The following SUN5 variants were observed in gnomAD, a reference collection of about 807,000 sequenced individuals.
SUN5 encodes Sad1 and UNC84 domain containing 5, also known as SUN domain-containing protein 5.
SUN5 carries 44 observed loss-of-function variants against 53.7 expected under a neutral mutation model. The ratio of observed to expected loss-of-function variants is 0.82; its 90% confidence interval spans 0.64 to 1.05. The LOEUF (loss-of-function observed/expected upper bound fraction) is 1.05, where lower values mean the gene tolerates loss of function less well. Among genes scored for constraint, SUN5 ranks in the 50% least tolerant of loss-of-function variants. The pLI, the probability that SUN5 is intolerant of heterozygous loss-of-function variation, is 0.00. For missense variants in SUN5, 433 were observed against 483.8 expected (o/e 0.90, Z 0.98); for synonymous variants, 166 against 179.8 (o/e 0.92, Z 0.62).
chr20:32,993,486 A>T (rs1264420260), intron 8 of SUN5, among the ~76,000 whole-genome samples: 3 of 152,246 alleles, frequency 2.0e-5, no homozygotes, highest in African/African-American at 7.2e-5. Context: ...AAAGAGCTAA[A>T]GTAACAAAAC....
chr20:32,998,502 A>G (rs768266418), intron 5 of SUN5, among the ~76,000 whole-genome samples: 6 of 152,136 alleles, frequency 3.9e-5, no homozygotes, highest in Non-Finnish European at 8.8e-5. Flanking sequence ...ACAGCCTTTA[A>G]AATTTATTTA....
rs148896965 is a variant in SUN5 at position 32,985,861 on chromosome 20, G to T, written c.772C>A (p.Arg258Ser). 6.2e-7 allele frequency: 1 copy of T among 1,613,926 alleles called. No individual in the cohort carries two copies. The highest frequency in any genetic ancestry group is 1.1e-5 in the South Asian group (1 of 91,072). The change falls in exon 11 of 13, where the codon CGC (arginine) becomes AGC (serine). Residue 258 changes from arginine to serine, a missense_variant. Transcript: ENST00000356173. ...PGNCWAFEGD[R>S]GQVTIQLAQK... is the part of the protein sequence containing the mutation. ...GCCAATTGGATGGTCACCTGGCCGC[G>T]GTCACCCTCAAAGGCCCAGCAATTG...
chr20:33,001,369 C>T, intron 3 of SUN5, 91 bp from the exon 4 acceptor site: 4 of 1,453,072 alleles, frequency 2.8e-6, no homozygotes, highest in South Asian at 2.5e-5. Flanking sequence ...CTGGGGGAGG[C>T]CCTGGAGCTG....
At chr20:33,001,974 A>G (rs1327077769) in intron 3 of SUN5, among the ~76,000 whole-genome samples, 2 of 152,168 alleles carry the variant, frequency 1.3e-5, no homozygotes, top group East Asian at 3.9e-4. Context: ...ATCGTGACTC[A>G]GGAGCACAAA....
In SUN5 at chr20:32,985,797, A is replaced by C. The variant is rs200006020; in HGVS notation, c.836T>G (p.Ile279Ser). 6.2e-7 allele frequency: 1 copy of C among 1,614,038 alleles called. No homozygotes were observed. Among genetic ancestry groups the C allele is most frequent in the Non-Finnish European group, 8.5e-7 (1 of 1,179,968 alleles). Reference protein sequence around the residue: ...VYLSNLTLQHIPKTISLSGSL... With the variant: ...VYLSNLTLQHSPKTISLSGSL... ...GCCTGACAATGAGATGGTCTTGGGGATGTGCTGCAGCGTGAGGTTGGACAG... is the reference window on the plus strand; with the variant it reads ...GCCTGACAATGAGATGGTCTTGGGGCTGTGCTGCAGCGTGAGGTTGGACAG... Residue 279 changes from isoleucine (I) to serine (S), a missense_variant, in exon 11 of 13, where the codon ATC becomes AGC. Coordinates refer to ENST00000356173, the MANE Select transcript of SUN5 (RefSeq NM_080675.4).
rs370794074 is a variant in SUN5, at chr20:32,985,801, G to A, written c.832C>T (p.His278Tyr). The change falls in exon 11 of 13, where the codon CAC (histidine) becomes TAC (tyrosine). Residue 278 changes from histidine to tyrosine, a missense_variant. By Grantham distance (83) the His-to-Tyr change is moderately conservative. Coordinates refer to ENST00000356173, the MANE Select transcript of SUN5 (RefSeq NM_080675.4). ...KVYLSNLTLQ[H>Y]IPKTISLSGS... ...GACAATGAGATGGTCTTGGGGATGT[G>A]CTGCAGCGTGAGGTTGGACAGGTAA... is the stretch of plus-strand genomic sequence containing the variant. The A allele has an allele frequency of 8.1e-6, 13 of 1,614,174 alleles. No homozygotes were observed. Among genetic ancestry groups the A allele is most frequent in the Non-Finnish European group, 1.1e-5 (13 of 1,179,998 alleles).
intron 5 of SUN5, chr20:32,999,836 G>T: frequency 2.2e-6 from 3 of 1,375,836 alleles, no homozygotes; most frequent in Non-Finnish European, 3.0e-6. Flanking sequence ...CCCAGAAAGC[G>T]GAAGTAACAA....
At chr20:33,002,408 A>G (rs1308544870) in intron 3 of SUN5, among the ~76,000 whole-genome samples, 179 bp downstream of exon 3, 2 of 152,120 alleles carry the variant, frequency 1.3e-5, no homozygotes, top group East Asian at 3.9e-4. Flanking sequence ...TCCAGCCACC[A>G]AAGACTTTGG....
intron 10 of SUN5, among the ~76,000 whole-genome samples, chr20:32,987,377 A>G (rs940977208): frequency 2.0e-5 from 3 of 152,046 alleles, no homozygotes; most frequent in Non-Finnish European, 4.4e-5. Context: ...CCCAATGCCA[A>G]AGCAAGCTGT....
At chr20:32,991,294 C>T (rs898934296) in intron 8 of SUN5, among the ~76,000 whole-genome samples, 2 of 152,208 alleles carry the variant, frequency 1.3e-5, no homozygotes, top group Non-Finnish European at 2.9e-5. Flanking sequence ...TTGATGAGTG[C>T]ATGCCTTTGG....
chr20:32,989,505 A>T, intron 9 of SUN5, 115 bp downstream of exon 9: 6 of 793,864 alleles, frequency 7.6e-6, no homozygotes, highest in Non-Finnish European at 1.0e-5. Flanking sequence ...AGCTTGGAAC[A>T]GAGGATGAAC....
intron 3 of SUN5, among the ~76,000 whole-genome samples, chr20:33,002,172 G>GA (rs11482416): frequency 0.62 from 93,943 of 151,904 alleles, 30,373 homozygotes; most frequent in African/African-American, 0.76. Flanking sequence ...GTCTGGCTTG[G>GA]AGGTGGATGA....
intron 10 of SUN5, among the ~76,000 whole-genome samples, chr20:32,987,409 TAGCC>T (rs1330574670): frequency 6.6e-6 from 1 of 152,010 alleles, no homozygotes; most frequent in East Asian, 1.9e-4. Context: ...GCTCCTACCC[TAGCC>T]CCAGCAGCCC....
At chr20:33,004,114 T>G in intron 1 of SUN5, 150 bp downstream of exon 1, 1 of 782,706 alleles carries the variant, frequency 1.3e-6, no homozygotes, top group South Asian at 3.5e-5. Context: ...CTGGGAGACT[T>G]TGGGAATACC....
At chr20:32,999,283 C>G (rs6088061) in intron 5 of SUN5, among the ~76,000 whole-genome samples, 1 of 152,142 alleles carries the variant, frequency 6.6e-6, no homozygotes, top group African/African-American at 2.4e-5. Context: ...AAACCCATTT[C>G]TAATAGCGTC....
chr20:32,992,601 G>T (rs1989738208), intron 8 of SUN5, among the ~76,000 whole-genome samples: 2 of 152,138 alleles, frequency 1.3e-5, no homozygotes, highest in South Asian at 4.1e-4. Context: ...TAGATACACT[G>T]GACTTAATTA....
chr20:32,995,253 C>T (rs143721157), intron 8 of SUN5, among the ~76,000 whole-genome samples: 95 of 152,262 alleles, frequency 6.2e-4, no homozygotes, highest in Middle Eastern at 3.4e-3. Flanking sequence ...TTTCTACAAG[C>T]TCCCAGGGAT....
At chr20:32,993,574 T>C (rs2146330786) in intron 8 of SUN5, among the ~76,000 whole-genome samples, 1 of 152,362 alleles carries the variant, frequency 6.6e-6, no homozygotes, top group East Asian at 1.9e-4. Context: ...TAGGAGGCTA[T>C]AGGCCACTTC....
Position 32,989,707 on chromosome 20 carries a change from G to T in SUN5, c.535-9C>A, listed in dbSNP as rs1989658941. 1 of 1,613,086 alleles carries T rather than the reference G, an allele frequency of 6.2e-7. No individual in the cohort carries two copies. Among genetic ancestry groups the T allele is most frequent in the African/African-American group, 1.3e-5 (1 of 74,856 alleles). ...TTCTGGGCCATTTTTTGCTGAAAAG[G>T]CAGAAAACACAAGTTGTGCCCTGGT... On this transcript the variant is annotated splice_polypyrimidine_tract_variant and intron_variant, in intron 8 of 12. Coordinates refer to ENST00000356173, the MANE Select transcript of SUN5 (RefSeq NM_080675.4).
Sources: gnomAD v4.1 joint callset for allele counts (sites outside exome capture counted in the v4.1 genomes callset) on GRCh38, gnomAD v4.1.1 for gene constraint, MANE v1.5 for transcripts, NCBI Gene and HGNC (gene_info 2026-07-23, HGNC 2026-07-21) for gene names.